Variants in DCLK1 observed in about 807,000 individuals in gnomAD.
DCLK1 encodes the protein serine/threonine-protein kinase DCLK1.
A neutral mutation model predicts 86.2 loss-of-function variants in DCLK1; 16 were observed. That is an observed-to-expected ratio of 0.19 (90% confidence interval 0.13 to 0.28). DCLK1 has a LOEUF of 0.28. Ranked by LOEUF, DCLK1 falls within the 10% of genes least tolerant of loss-of-function variation. The probability of loss-of-function intolerance (pLI) is 1.00; values close to 1 mark genes in which losing one functional copy is unlikely to be tolerated. For missense variants in DCLK1, 590 were observed against 940.2 expected, an observed-to-expected ratio of 0.63 and a Z score of 4.87; for synonymous variants, 369 against 370.5, an observed-to-expected ratio of 1.00 and a Z score of 0.05.
chr13:35,790,408 T>C (rs1830880158), intron 16 of DCLK1, among the ~76,000 whole-genome samples: 1 of 152,160 alleles, frequency 6.6e-6, no homozygotes, highest in African/African-American at 2.4e-5. Context: ...TAGTTAAAAA[T>C]TAATTATTTA....
Position 35,924,372 on chromosome 13 carries a change from G to A in DCLK1, c.823+22986C>T, listed in dbSNP as rs564006472. Among the ~76,000 whole-genome samples the A allele has an allele frequency of 5.6e-4, 85 of 152,252 alleles. 2 individuals are homozygous for A. The South Asian group carries it at 0.016, about 29-fold the overall frequency. On this transcript the variant is annotated intron_variant, in intron 4 of 16. Coordinates refer to ENST00000360631, the MANE Select transcript of DCLK1 (RefSeq NM_001330071.2). ...AGTCTTGAAATGGAAGGCTTAGGCC[G>A]GGCACAGTGGATCATGCCTGTAATC...
chr13:36,011,109 T>TTC (rs763514117), intron 3 of DCLK1, among the ~76,000 whole-genome samples: 141 of 95,266 alleles, frequency 1.5e-3, no homozygotes, highest in Middle Eastern at 5.2e-3. Flanking sequence ...TATTTGATTC[T>TTC]TCTCTCTTTT....
chr13:35,966,589 C>T (rs1356985017), intron 3 of DCLK1, among the ~76,000 whole-genome samples: 2 of 149,172 alleles, frequency 1.3e-5, no homozygotes, highest in Admixed American at 6.7e-5. Flanking sequence ...CATCTCGACT[C>T]ACTGCAACCT....
intron 6 of DCLK1, chr13:35,850,682 C>A (rs1473800515): frequency 1.3e-6 from 2 of 1,519,746 alleles, no homozygotes; most frequent in Non-Finnish European, 1.8e-6. Context: ...GAAACCTTCA[C>A]CCAATCACAA....
At chr13:35,982,318 T>C (rs1232572102) in intron 3 of DCLK1, among the ~76,000 whole-genome samples, 1 of 151,512 alleles carries the variant, frequency 6.6e-6, no homozygotes, top group Non-Finnish European at 1.5e-5. Flanking sequence ...AGTTCGTGGC[T>C]GCACTGAACA....
chr13:35,894,525 A>G (rs1362549338), intron 4 of DCLK1, among the ~76,000 whole-genome samples: 3 of 144,496 alleles, frequency 2.1e-5, no homozygotes, highest in African/African-American at 5.2e-5. Flanking sequence ...CTGCTACACA[A>G]TCTTATCTTT....
chr13:35,864,283 TGGCC>T (rs1167106732), intron 5 of DCLK1, among the ~76,000 whole-genome samples: 1 of 136,820 alleles, frequency 7.3e-6, no homozygotes, highest in African/African-American at 2.9e-5. Flanking sequence ...GTTGGCTATC[TGGCC>T]GGGCGCGGTG....
intron 6 of DCLK1, chr13:35,846,274 TAA>T (rs1870167530): frequency 2.0e-6 from 2 of 984,986 alleles, no homozygotes; most frequent in African/African-American, 1.7e-5. Flanking sequence ...TATTTCAAAG[TAA>T]AGAGTTCTTA....
intron 3 of DCLK1, among the ~76,000 whole-genome samples, chr13:36,094,998 A>G (rs925888286): frequency 5.3e-5 from 8 of 152,200 alleles, no homozygotes; most frequent in African/African-American, 1.9e-4. Context: ...TTTTTGTTCC[A>G]GTAAAGAATT....
intron 3 of DCLK1, among the ~76,000 whole-genome samples, chr13:36,035,841 C>T (rs1308334204): frequency 1.3e-5 from 2 of 152,096 alleles, no homozygotes; most frequent in Non-Finnish European, 2.9e-5. Context: ...AGTTTTAGGG[C>T]AATTTGAATT....
chr13:35,983,245 C>T (rs1194022383), intron 3 of DCLK1, among the ~76,000 whole-genome samples: 1 of 152,194 alleles, frequency 6.6e-6, no homozygotes, highest in African/African-American at 2.4e-5. Flanking sequence ...CCTGCCTCAG[C>T]CTCCTAAAGC....
chr13:36,063,349 A>G (rs1189639494), intron 3 of DCLK1, among the ~76,000 whole-genome samples: 3 of 152,176 alleles, frequency 2.0e-5, no homozygotes, highest in African/African-American at 7.2e-5. Flanking sequence ...AGAGCCAGAG[A>G]GAACGTGGGA....
Position 36,065,121 on chromosome 13 carries a change from C to T in DCLK1, c.723+46748G>A, listed in dbSNP as rs866812413. ...TGAATGGACTTCTCAGCTATCTGTG[C>T]CATCTAATGTCTAGGATTTCCCAGA... On this transcript the variant is annotated intron_variant, in intron 3 of 16. Transcript: ENST00000360631. 2.6e-5 allele frequency among the ~76,000 whole-genome samples: 4 copies of T among 152,184 alleles called. 1 individual carries two copies. Among genetic ancestry groups the T allele is most frequent in the Middle Eastern group, 3.2e-3 (1 of 316 alleles).
At chr13:35,979,990 T>A (rs537866029) in intron 3 of DCLK1, among the ~76,000 whole-genome samples, 9 of 152,336 alleles carry the variant, frequency 5.9e-5, no homozygotes, top group Admixed American at 4.6e-4. Flanking sequence ...TACACTTTTA[T>A]TTTTTGTTTC....
intron 4 of DCLK1, among the ~76,000 whole-genome samples, chr13:35,929,025 G>A (rs1593741414): frequency 6.6e-6 from 1 of 152,198 alleles, no homozygotes; most frequent in African/African-American, 2.4e-5. Flanking sequence ...CGCCTCCCAG[G>A]TTCATGCCAT....
chr13:35,835,730 G>A (rs552605253), intron 8 of DCLK1, among the ~76,000 whole-genome samples: 6 of 152,232 alleles, frequency 3.9e-5, no homozygotes, highest in African/African-American at 1.4e-4. Flanking sequence ...AAGTGTGTGA[G>A]AAAAACTATT....
chr13:35,922,307 C>T lies in DCLK1; in HGVS notation c.823+25051G>A, dbSNP rs193008458. On this transcript the variant is annotated intron_variant, in intron 4 of 16. Coordinates refer to ENST00000360631, the MANE Select transcript of DCLK1 (RefSeq NM_001330071.2). ...GGTGATGGTAGCTTGTTTCAATTAT[C>T]TTCTACCTATTACCTTCCCTTTCCC... Among the ~76,000 whole-genome samples the T allele has an allele frequency of 1.3e-3, 192 of 152,272 alleles. 1 individual carries two copies. The highest frequency in any genetic ancestry group is 2.1e-3 in the Non-Finnish European group (146 of 68,018).
intron 3 of DCLK1, among the ~76,000 whole-genome samples, chr13:36,004,325 T>C (rs1283494580): frequency 6.6e-6 from 1 of 152,170 alleles, no homozygotes; most frequent in Non-Finnish European, 1.5e-5. Flanking sequence ...TAACATGCAC[T>C]GGTTCTGGAA....
chr13:35,835,987 G>A lies in DCLK1; in HGVS notation c.1229+46C>T, dbSNP rs574696464. 2.6e-4 allele frequency: 358 copies of A among 1,365,976 alleles called. 8 individuals carry two copies. In the South Asian group the frequency reaches 4.2e-3, roughly 16 times the overall value. The allele number at this position is 1,365,976 out of a possible 1,614,324, so 84.6% of individuals were successfully genotyped here. A position where few individuals can be genotyped will look rare whatever the true frequency, so the allele number is the denominator to read the frequency against. ...GAGACACAATCTTGGAAAACATAACGCCAAATGTAACCTTTAAGGTTTGAT... is the reference window on the plus strand; with the variant it reads ...GAGACACAATCTTGGAAAACATAACACCAAATGTAACCTTTAAGGTTTGAT... On this transcript the variant is annotated intron_variant, in intron 8 of 16. Coordinates refer to ENST00000360631, the MANE Select transcript of DCLK1 (RefSeq NM_001330071.2).
Sources: allele counts gnomAD v4.1 joint callset (sites outside exome capture counted in the v4.1 genomes callset), GRCh38; gene constraint gnomAD v4.1.1; transcripts MANE v1.5; gene names NCBI Gene and HGNC (gene_info 2026-07-23, HGNC 2026-07-21).